IL18R1: variants seen among roughly 807,000 people sequenced by gnomAD.
IL18R1 encodes interleukin 18 receptor 1.
IL18R1 carries 40 observed loss-of-function variants against 48.5 expected under a neutral mutation model. That is an observed-to-expected ratio of 0.82 (90% CI 0.64 to 1.07). The LOEUF (loss-of-function observed/expected upper bound fraction) is 1.07. Among genes scored for constraint, IL18R1 ranks in the 50% least tolerant of loss-of-function variants. The pLI is 0.00. For missense variants in IL18R1, 596 were observed against 633.7 expected (o/e 0.94, Z 0.64); for synonymous variants, 232 against 225.9 (o/e 1.03, Z -0.24).
chr2:102,363,583 T>C (rs1332851997), intron 2 of IL18R1, among the ~76,000 whole-genome samples: 2 of 152,204 alleles, frequency 1.3e-5, no homozygotes, highest in South Asian at 2.1e-4. Context: ...TACAGGAAAA[T>C]GTGTCATGAG....
At position 102,362,650 on chromosome 2, in the gene IL18R1, G is replaced by A; in HGVS notation, c.-11G>A. The A allele has an allele frequency of 6.2e-7, 1 of 1,600,094 alleles. No individual in the cohort carries two copies. Among genetic ancestry groups the A allele is most frequent in the African/African-American group, 1.3e-5 (1 of 74,270 alleles). On this transcript the variant is annotated 5_prime_UTR_variant, in exon 2 of 11. Transcript: ENST00000233957. ...TTTTCCAGAGAAGCCATTTGAAGCA[G>A]AATCCAAACCATGAATTGTAGAGAA...
chr2:102,381,239 C>A (rs1418022753), intron 5 of IL18R1, among the ~76,000 whole-genome samples: 1 of 152,216 alleles, frequency 6.6e-6, no homozygotes, highest in African/African-American at 2.4e-5. Flanking sequence ...CTTGGCCCTG[C>A]AACCTGTAAA....
chr2:102,394,839 T>G (rs1464993626), intron 10 of IL18R1, among the ~76,000 whole-genome samples: 2 of 152,206 alleles, frequency 1.3e-5, no homozygotes, highest in Admixed American at 6.5e-5. Context: ...TTCTTTGTGC[T>G]TCACGGTTCT....
intron 3 of IL18R1, 131 bp downstream of exon 3, chr2:102,368,199 G>A: frequency 9.9e-7 from 1 of 1,011,490 alleles, no homozygotes; most frequent in Admixed American, 2.2e-5. Context: ...CCTATGACAT[G>A]AAATACATTC....
At chr2:102,383,848 A>G (rs930902595) in intron 6 of IL18R1, among the ~76,000 whole-genome samples, 1 of 152,204 alleles carries the variant, frequency 6.6e-6, no homozygotes, top group Non-Finnish European at 1.5e-5. Context: ...GAAAATGACC[A>G]TATTTCCATC....
At position 102,362,706 on chromosome 2, in the gene IL18R1, G is replaced by GT. The variant is rs775454652; in HGVS notation, c.47dup (p.Ser17LysfsTer16). ...CTTGACCCTTTGGGTGCTTATATCTGTAAGCACTGCAGGTAAGTGATTATA... is the reference window on the plus strand; with the variant it reads ...CTTGACCCTTTGGGTGCTTATATCTGTTAAGCACTGCAGGTAAGTGATTATA... On this transcript the variant is annotated frameshift_variant, in exon 2 of 11. Coordinates refer to ENST00000233957, the MANE Select transcript of IL18R1 (RefSeq NM_003855.5). LOFTEE classifies it high-confidence loss of function. 1 of 1,579,950 alleles carries GT rather than the reference G, an allele frequency of 6.3e-7. No individual in the cohort carries two copies. Among genetic ancestry groups the GT allele is most frequent in the Non-Finnish European group, 8.7e-7 (1 of 1,153,278 alleles).
intron 1 of IL18R1, among the ~76,000 whole-genome samples, chr2:102,358,638 T>A (rs1678396294): frequency 6.6e-6 from 1 of 152,182 alleles, no homozygotes. Context: ...CCTGACTGTA[T>A]GTTAGAGTCA....
chr2:102,394,943 G>T (rs1015216093), intron 10 of IL18R1, among the ~76,000 whole-genome samples: 4 of 152,078 alleles, frequency 2.6e-5, no homozygotes, highest in Admixed American at 2.6e-4. Flanking sequence ...AATGACCCAC[G>T]GTGAGAATAT....
intron 8 of IL18R1, among the ~76,000 whole-genome samples, chr2:102,387,607 A>T (rs1680314860): frequency 6.6e-6 from 1 of 152,230 alleles, no homozygotes; most frequent in Non-Finnish European, 1.5e-5. Flanking sequence ...AGCTGCTCAG[A>T]AATGGCTGTG....
intron 8 of IL18R1, 85 bp downstream of exon 8, chr2:102,387,085 C>G (rs1680275921): frequency 7.1e-7 from 1 of 1,414,154 alleles, no homozygotes; most frequent in East Asian, 2.3e-5. Flanking sequence ...TTCTCATTTT[C>G]CACACCAGAA....
At chr2:102,387,546 G>A (rs556143958) in intron 8 of IL18R1, among the ~76,000 whole-genome samples, 47 of 152,284 alleles carry the variant, frequency 3.1e-4, no homozygotes, top group Admixed American at 5.9e-4. Context: ...CCCCAGGGTC[G>A]CCATCCCTTT....
chr2:102,379,166 G>A (rs1020076638), intron 5 of IL18R1, among the ~76,000 whole-genome samples: 6 of 152,194 alleles, frequency 3.9e-5, no homozygotes, highest in Admixed American at 1.3e-4. Context: ...CCCTGGGGCC[G>A]GGTGTGGTGG....
chr2:102,388,386 C>G (rs1680365771), intron 8 of IL18R1, among the ~76,000 whole-genome samples: 1 of 152,204 alleles, frequency 6.6e-6, no homozygotes, highest in African/African-American at 2.4e-5. Flanking sequence ...TATTGAAACT[C>G]AGACCCGATT....
At chr2:102,368,752 A>T (rs1679061262) in intron 3 of IL18R1, among the ~76,000 whole-genome samples, 1 of 152,158 alleles carries the variant, frequency 6.6e-6, no homozygotes, top group South Asian at 2.1e-4. Context: ...GTTTCTTTTT[A>T]GATGTACCTA....
intron 9 of IL18R1, among the ~76,000 whole-genome samples, chr2:102,390,801 T>C (rs925264581): frequency 2.0e-5 from 3 of 151,596 alleles, no homozygotes; most frequent in Non-Finnish European, 4.4e-5. Context: ...GGCGTGGTGG[T>C]AGGCGCCTGT....
chr2:102,360,798 G>A (rs1559615954), intron 1 of IL18R1, among the ~76,000 whole-genome samples: 2 of 152,082 alleles, frequency 1.3e-5, no homozygotes, highest in Admixed American at 1.3e-4. Context: ...TCTTACATGT[G>A]AGACATTTAA....
At chr2:102,390,656 G>A (rs528369369) in intron 9 of IL18R1, among the ~76,000 whole-genome samples, 2 of 152,254 alleles carry the variant, frequency 1.3e-5, no homozygotes, top group South Asian at 2.1e-4. Flanking sequence ...CCAGCTGGCC[G>A]GGCGCGGTGG....
chr2:102,372,771 G>A (rs950421498), intron 4 of IL18R1, among the ~76,000 whole-genome samples: 4 of 151,870 alleles, frequency 2.6e-5, no homozygotes, highest in South Asian at 2.1e-4. Flanking sequence ...CCCTTGTTTC[G>A]TCTAACTAAT....
In IL18R1 at chr2:102,396,766, C is replaced by T. The variant is rs753938617; in HGVS notation, c.1506C>T (p.Ala502=). Residue 502 remains alanine, a synonymous_variant, in exon 11 of 11, where the codon GCC becomes GCT. Coordinates refer to ENST00000233957, the MANE Select transcript of IL18R1 (RefSeq NM_003855.5). ...CTCACAGAGTTCTGAAGTGGAAGGC[C>T]GATAAATCTCTTTCTTATAACTCAA... ...LKSHRVLKWK[A]DKSLSYNSRF... The T allele has an allele frequency of 6.2e-7, 1 of 1,613,912 alleles. No individual in the cohort carries two copies. The highest frequency in any genetic ancestry group is 2.2e-5 in the East Asian group (1 of 44,882).
Sources: gnomAD v4.1 joint callset for allele counts (sites outside exome capture counted in the v4.1 genomes callset) on GRCh38, gnomAD v4.1.1 for gene constraint, MANE v1.5 for transcripts, NCBI Gene and HGNC (gene_info 2026-07-23, HGNC 2026-07-21) for gene names.